Variants in PLAG1 observed in about 807,000 individuals in gnomAD.
The protein encoded by PLAG1 is zinc finger protein PLAG1.
Under a neutral mutation model 35.5 loss-of-function variants are expected in PLAG1, and 7 were observed. The ratio of observed to expected loss-of-function variants is 0.20; its 90% CI spans 0.11 to 0.37. PLAG1 has a LOEUF of 0.37. Ranked by LOEUF, PLAG1 falls within the 10% of genes least tolerant of loss-of-function variation. PLAG1 has a pLI of 1.00. For missense variants in PLAG1, 454 were observed against 602.8 expected (o/e 0.75, Z 2.58); for synonymous variants, 229 against 225.4 (o/e 1.02, Z -0.14).
intron 1 of PLAG1, among the ~76,000 whole-genome samples, chr8:56,208,646 A>C (rs1348344356): frequency 6.6e-6 from 1 of 152,230 alleles, no homozygotes; most frequent in Non-Finnish European, 1.5e-5. Context: ...AAGAGGAAAT[A>C]AGGATTTATT....
intron 1 of PLAG1, among the ~76,000 whole-genome samples, chr8:56,188,308 GA>G (rs1421991308): frequency 1.3e-5 from 2 of 152,014 alleles, no homozygotes; most frequent in South Asian, 4.2e-4. Flanking sequence ...TCTGATACGG[GA>G]AAAAAAATGA....
chr8:56,175,580 A>T (rs1399329971), intron 2 of PLAG1, among the ~76,000 whole-genome samples: 1 of 152,190 alleles, frequency 6.6e-6, no homozygotes, highest in Admixed American at 6.6e-5. Flanking sequence ...CCCTTTTTGA[A>T]TTACTGCGTT....
At chr8:56,195,857 T>C (rs1812346547) in intron 1 of PLAG1, among the ~76,000 whole-genome samples, 1 of 152,044 alleles carries the variant, frequency 6.6e-6, no homozygotes, top group Non-Finnish European at 1.5e-5. Context: ...AACACAAGTC[T>C]CTCCTTTGAG....
chr8:56,197,670 G>A (rs1015120981), intron 1 of PLAG1, among the ~76,000 whole-genome samples: 3 of 152,204 alleles, frequency 2.0e-5, no homozygotes, highest in African/African-American at 7.2e-5. Context: ...GTGTTTCTCT[G>A]TCTGGGATTG....
intron 1 of PLAG1, among the ~76,000 whole-genome samples, chr8:56,188,233 T>C (rs1400794581): frequency 6.6e-6 from 1 of 152,140 alleles, no homozygotes; most frequent in African/African-American, 2.4e-5. Flanking sequence ...AGAGGTTGCA[T>C]GGAACTGAAT....
In PLAG1 at chr8:56,164,443, C is replaced by T. The variant is rs1364157928; in HGVS notation, c.*1800G>A. The T allele has an allele frequency of 9.1e-6, 2 of 219,988 alleles. No homozygotes were observed. The highest frequency in any genetic ancestry group is 1.8e-5 in the Non-Finnish European group (2 of 109,374). 13.6% of individuals were successfully genotyped at this position (219,988 alleles called of 1,614,324 possible). A position where few individuals can be genotyped will look rare whatever the true frequency, so the allele number is the denominator to read the frequency against. Reference sequence around the variant, plus strand: ...TAAATAATGTATTATATTCAGTAATCTGCACTCATTTTTAGAAATTCTTGG... The same window carrying T: ...TAAATAATGTATTATATTCAGTAATTTGCACTCATTTTTAGAAATTCTTGG... On this transcript the variant is annotated 3_prime_UTR_variant, in exon 5 of 5. Coordinates refer to ENST00000316981, the MANE Select transcript of PLAG1 (RefSeq NM_002655.3).
At chr8:56,195,097 T>C (rs955393780) in intron 1 of PLAG1, among the ~76,000 whole-genome samples, 7 of 152,314 alleles carry the variant, frequency 4.6e-5, no homozygotes, top group African/African-American at 1.4e-4. Flanking sequence ...AGATTTCTAG[T>C]TCTATTAGAG....
At chr8:56,205,200 A>C (rs909914136) in intron 1 of PLAG1, among the ~76,000 whole-genome samples, 4 of 151,902 alleles carry the variant, frequency 2.6e-5, no homozygotes, top group Non-Finnish European at 5.9e-5. Flanking sequence ...TATTTCATTA[A>C]CTTAAAGTTT....
At chr8:56,179,547 A>C in intron 1 of PLAG1, 34 bp from the exon 2 acceptor site, 2 of 561,040 alleles carry the variant, frequency 3.6e-6, no homozygotes, top group African/African-American at 4.1e-5. Context: ...TTTAAATTCC[A>C]AAAGTCAGGC....
intron 1 of PLAG1, among the ~76,000 whole-genome samples, chr8:56,189,425 C>A (rs1563386124): frequency 6.6e-6 from 1 of 152,082 alleles, no homozygotes; most frequent in African/African-American, 2.4e-5. Flanking sequence ...CAGTATAGAC[C>A]CCCTATCTGC....
chr8:56,191,689 A>G (rs1176992736), intron 1 of PLAG1, among the ~76,000 whole-genome samples: 2 of 152,178 alleles, frequency 1.3e-5, no homozygotes, highest in East Asian at 3.9e-4. Flanking sequence ...TCTGCTTTAC[A>G]AATTCCATTT....
Position 56,182,950 on chromosome 8 carries a change from G to T in PLAG1, c.-321-3437C>A, listed in dbSNP as rs538493011. The stretch of plus-strand genomic sequence containing the variant: ...GTATGTTCATCCTGCTAAGTTTTTT[G>T]GTAGCAAAGGCAAGAAATGCATGGA... On this transcript the variant is annotated intron_variant, in intron 1 of 4. Coordinates refer to ENST00000316981, the MANE Select transcript of PLAG1 (RefSeq NM_002655.3). 1.3e-4 allele frequency among the ~76,000 whole-genome samples: 20 copies of T among 152,200 alleles called. No individual in the cohort carries two copies. In the South Asian group the frequency reaches 4.1e-3, roughly 32 times the overall value.
chr8:56,181,370 T>C (rs974897477), intron 1 of PLAG1, among the ~76,000 whole-genome samples: 6 of 152,156 alleles, frequency 3.9e-5, no homozygotes, highest in Non-Finnish European at 8.8e-5. Context: ...ATATACACCA[T>C]GGAATACTAT....
rs1267194893 is a variant in PLAG1, at chr8:56,164,431, A to G, written c.*1812T>C. 4.6e-6 allele frequency: 1 copy of G among 218,608 alleles called. No homozygotes were observed. The highest frequency in any genetic ancestry group is 5.8e-5 in the Admixed American group (1 of 17,220). The allele number at this position is 218,608 out of a possible 1,614,324, so 13.5% of individuals were successfully genotyped here. On this transcript the variant is annotated 3_prime_UTR_variant, in exon 5 of 5. Transcript: ENST00000316981. ...TCCCAAATATTTTAAATAATGTATT[A>G]TATTCAGTAATCTGCACTCATTTTT... is the stretch of plus-strand genomic sequence containing the variant.
At chr8:56,210,925 T>C (rs1437918408) in intron 1 of PLAG1, among the ~76,000 whole-genome samples, 196 bp downstream of exon 1, 1 of 151,858 alleles carries the variant, frequency 6.6e-6, no homozygotes, top group African/African-American at 2.4e-5. Context: ...CAGCCCCGCG[T>C]AATTATTTTA....
At chr8:56,210,797 A>ACC (rs1812873127) in intron 1 of PLAG1, among the ~76,000 whole-genome samples, 3 of 148,666 alleles carry the variant, frequency 2.0e-5, no homozygotes, top group Admixed American at 2.0e-4. Flanking sequence ...GAGGAGGAAA[A>ACC]CTTTTCAAAC....
chr8:56,189,475 A>G (rs976018972), intron 1 of PLAG1, among the ~76,000 whole-genome samples: 9 of 152,216 alleles, frequency 5.9e-5, no homozygotes, highest in African/African-American at 1.9e-4. Context: ...AAACTTACAG[A>G]TAAACAAATC....
Position 56,211,103 on chromosome 8 carries a change from G to T in PLAG1, c.-322+18C>A. On this transcript the variant is annotated intron_variant, in intron 1 of 4. Coordinates refer to ENST00000316981, the MANE Select transcript of PLAG1 (RefSeq NM_002655.3). ...CGCTAAACGCCTCGCCGCCGCCCCG[G>T]ACCCCCGGAGAACTCACCGCGGGGC... 1 of 152,518 alleles carries T rather than the reference G, an allele frequency of 6.6e-6. No individual in the cohort carries two copies. Among genetic ancestry groups the T allele is most frequent in the South Asian group, 2.0e-4 (1 of 5,022 alleles). 9.4% of individuals were successfully genotyped at this position (152,518 alleles called of 1,614,324 possible). A position where few individuals can be genotyped will look rare whatever the true frequency, so the allele number is the denominator to read the frequency against.
intron 1 of PLAG1, among the ~76,000 whole-genome samples, chr8:56,194,517 T>A (rs1008350220): frequency 1.6e-4 from 25 of 152,180 alleles, no homozygotes; most frequent in African/African-American, 5.3e-4. Context: ...TGGGAGAGAC[T>A]TCGGTCATGG....
Sources: allele counts gnomAD v4.1 joint callset (sites outside exome capture counted in the v4.1 genomes callset), GRCh38; gene constraint gnomAD v4.1.1; transcripts MANE v1.5; gene names NCBI Gene and HGNC (gene_info 2026-07-23, HGNC 2026-07-21).